The following LMNB1 variants were observed in gnomAD, a reference collection of about 807,000 sequenced individuals.
The protein encoded by LMNB1 is lamin B1.
LMNB1 carries 23 observed loss-of-function variants against 67.1 expected under a neutral mutation model. The ratio of observed to expected loss-of-function variants is 0.34; its 90% CI spans 0.25 to 0.49. LMNB1 has a LOEUF of 0.49. Ranked by LOEUF, LMNB1 falls within the 20% of genes least tolerant of loss-of-function variation. The pLI, the probability that LMNB1 is intolerant of heterozygous loss-of-function variation, is 0.99. For synonymous variants in LMNB1, 281 were observed against 282.9 expected, an observed-to-expected ratio of 0.99 and a Z score of 0.07; for missense variants, 634 against 746.5, an observed-to-expected ratio of 0.85 and a Z score of 1.76.
intron 1 of LMNB1, among the ~76,000 whole-genome samples, chr5:126,794,784 T>C (rs1347031785): frequency 6.6e-6 from 1 of 152,194 alleles, no homozygotes; most frequent in African/African-American, 2.4e-5. Context: ...AATAAGAATT[T>C]TGTATAGAAT....
chr5:126,826,021 C>A lies in LMNB1; in HGVS notation c.1525C>A (p.Pro509Thr), dbSNP rs1257840340. ...TGCAAACGCTGGTGTCACAGCCAGCCCCCCAACTGACCTCATCTGGAAGAA... is the reference window on the plus strand; with the variant it reads ...TGCAAACGCTGGTGTCACAGCCAGCACCCCAACTGACCTCATCTGGAAGAA... ...WAANAGVTAS[P>T]PTDLIWKNQN... Residue 509 changes from proline (P) to threonine (T), a missense_variant, in exon 9 of 11, where the codon CCC becomes ACC. By Grantham distance (38) the Pro-to-Thr change is conservative. Coordinates refer to ENST00000261366, the MANE Select transcript of LMNB1 (RefSeq NM_005573.4). 1.2e-6 allele frequency: 2 copies of A among 1,613,800 alleles called. No homozygotes were observed. The highest frequency in any genetic ancestry group is 1.3e-5 in the African/African-American group (1 of 74,882).
At chr5:126,794,547 C>G (rs1014062176) in intron 1 of LMNB1, among the ~76,000 whole-genome samples, 2 of 152,158 alleles carry the variant, frequency 1.3e-5, no homozygotes, top group Non-Finnish European at 2.9e-5. Flanking sequence ...ATGCTGAGCT[C>G]TGGGTGTGAA....
chr5:126,806,036 C>T (rs1751412573), intron 3 of LMNB1, among the ~76,000 whole-genome samples: 1 of 152,176 alleles, frequency 6.6e-6, no homozygotes, highest in South Asian at 2.1e-4. Flanking sequence ...CTCCTTTCAA[C>T]CTCTGCCTCC....
chr5:126,826,672 G>A (rs1021799259), intron 9 of LMNB1, among the ~76,000 whole-genome samples: 4 of 152,102 alleles, frequency 2.6e-5, no homozygotes, highest in Non-Finnish European at 4.4e-5. Context: ...TAAAGACACT[G>A]CATATACCCC....
intron 9 of LMNB1, among the ~76,000 whole-genome samples, chr5:126,829,498 G>C (rs1752078023): frequency 6.6e-6 from 1 of 151,788 alleles, no homozygotes. Flanking sequence ...CATACCAAAA[G>C]TAACTGTCTA....
At chr5:126,819,780 G>A (rs1055470383) in intron 6 of LMNB1, among the ~76,000 whole-genome samples, 1 of 151,612 alleles carries the variant, frequency 6.6e-6, no homozygotes, top group Admixed American at 6.6e-5. Context: ...GAGCCACCAC[G>A]CCCGGCTGGC....
intron 8 of LMNB1, among the ~76,000 whole-genome samples, chr5:126,823,782 T>C (rs1751926131): frequency 6.6e-6 from 1 of 152,170 alleles, no homozygotes; most frequent in South Asian, 2.1e-4. Flanking sequence ...CAAATGCTAA[T>C]TTGGTAATAA....
intron 4 of LMNB1, among the ~76,000 whole-genome samples, chr5:126,811,257 GAC>G (rs1453797799): frequency 6.6e-6 from 1 of 152,220 alleles, no homozygotes; most frequent in Non-Finnish European, 1.5e-5. Flanking sequence ...ATGTCCCTGA[GAC>G]ACACATACAC....
Position 126,828,608 on chromosome 5 carries a change from ACT to A in LMNB1, c.1611+2504_1611+2505del, listed in dbSNP as rs1346106408. ...TTTTTTTTTTTGGTGAAGGAGTTTC[ACT>A]CTGTTGCCCAGGCTGGAGTGGAGTG... On this transcript the variant is annotated intron_variant, in intron 9 of 10. Transcript: ENST00000261366. Among the ~76,000 whole-genome samples the A allele has an allele frequency of 5.5e-5, 8 of 144,362 alleles. 1 individual carries two copies. In the Admixed American group the frequency reaches 5.6e-4, roughly 10 times the overall value. The allele number at this position is 144,362 out of a possible 152,430, so 94.7% of individuals were successfully genotyped here.
At chr5:126,822,048 G>C (rs1378112242) in intron 7 of LMNB1, among the ~76,000 whole-genome samples, 1 of 145,456 alleles carries the variant, frequency 6.9e-6, no homozygotes, top group Non-Finnish European at 1.5e-5. Context: ...CTGTTGCCCA[G>C]GTCGGAGTGC....
intron 1 of LMNB1, among the ~76,000 whole-genome samples, chr5:126,787,399 G>A (rs1750814984): frequency 8.2e-6 from 1 of 122,396 alleles, no homozygotes; most frequent in Non-Finnish European, 1.9e-5. Flanking sequence ...TATAACTGGA[G>A]CCATATATAT....
chr5:126,808,063 G>A (rs527563500), intron 3 of LMNB1, among the ~76,000 whole-genome samples: 4 of 152,000 alleles, frequency 2.6e-5, no homozygotes, highest in Admixed American at 6.6e-5. Flanking sequence ...GTAGAGACAG[G>A]GTTTCACCAC....
intron 5 of LMNB1, 126 bp downstream of exon 5, chr5:126,812,024 GCTTTCGT>G: frequency 1.1e-6 from 1 of 884,958 alleles, no homozygotes; most frequent in East Asian, 2.7e-5. Flanking sequence ...GTCATCCTGT[GCTTTCGT>G]CTTCACAGTA....
chr5:126,803,561 T>C (rs1425166375), intron 1 of LMNB1, among the ~76,000 whole-genome samples: 2 of 151,150 alleles, frequency 1.3e-5, no homozygotes, highest in African/African-American at 4.9e-5. Context: ...TTGTTTGTTT[T>C]TTTGATACAA....
At chr5:126,785,600 G>A (rs958070895) in intron 1 of LMNB1, among the ~76,000 whole-genome samples, 1 of 151,572 alleles carries the variant, frequency 6.6e-6, no homozygotes, top group African/African-American at 2.4e-5. Flanking sequence ...TAGGATTACA[G>A]GTGTGAGCCA....
chr5:126,836,417 T>C lies in LMNB1; in HGVS notation c.*153T>C. Reference sequence around the variant, plus strand: ...ATGGCCTTAATTTCCTTTTTGACACTGAAAGTTTTGTAAAAGAAATCATGT... The same window carrying C: ...ATGGCCTTAATTTCCTTTTTGACACCGAAAGTTTTGTAAAAGAAATCATGT... On this transcript the variant is annotated 3_prime_UTR_variant, in exon 11 of 11. Coordinates refer to ENST00000261366, the MANE Select transcript of LMNB1 (RefSeq NM_005573.4). 1 of 578,598 alleles carries C rather than the reference T, an allele frequency of 1.7e-6. No individual in the cohort carries two copies. The allele number at this position is 578,598 out of a possible 1,614,324, so 35.8% of individuals were successfully genotyped here.
chr5:126,807,429 G>T (rs1489425195), intron 3 of LMNB1, among the ~76,000 whole-genome samples: 1 of 152,154 alleles, frequency 6.6e-6, no homozygotes, highest in Non-Finnish European at 1.5e-5. Flanking sequence ...CACCAGACAA[G>T]CAGTCAGACC....
intron 1 of LMNB1, among the ~76,000 whole-genome samples, chr5:126,800,971 A>AAT (rs1561742472): frequency 2.1e-4 from 12 of 57,826 alleles, no homozygotes; most frequent in African/African-American, 6.4e-4. Context: ...ATATATATAT[A>AAT]TATATATATA....
At chr5:126,824,513 C>T (rs1045509213) in intron 8 of LMNB1, among the ~76,000 whole-genome samples, 1 of 152,028 alleles carries the variant, frequency 6.6e-6, no homozygotes, top group Admixed American at 6.6e-5. Flanking sequence ...TATTGAATGA[C>T]ATGGCTATAG....
Sources: gnomAD v4.1 joint callset for allele counts (sites outside exome capture counted in the v4.1 genomes callset) on GRCh38, gnomAD v4.1.1 for gene constraint, MANE v1.5 for transcripts, NCBI Gene and HGNC (gene_info 2026-07-23, HGNC 2026-07-21) for gene names.